Variants in C11orf16 observed in about 807,000 individuals in gnomAD.
C11orf16 encodes chromosome 11 open reading frame 16, also known as uncharacterized protein C11orf16.
Under a neutral mutation model 45.1 loss-of-function variants are expected in C11orf16, and 38 were observed. The ratio of observed to expected loss-of-function variants is 0.84; its 90% confidence interval spans 0.65 to 1.10. C11orf16 has a LOEUF of 1.10. C11orf16 is among the 50% of genes least tolerant of loss of function. The pLI is 0.00. For missense variants in C11orf16, 583 were observed against 569.5 expected, an observed-to-expected ratio of 1.02 and a Z score of -0.24; for synonymous variants, 221 against 222.0, an observed-to-expected ratio of 1.00 and a Z score of 0.04.
chr11:8,921,169 G>A (rs953506219), intron 6 of C11orf16, 125 bp downstream of exon 6: 1 of 699,314 alleles, frequency 1.4e-6, no homozygotes, highest in Non-Finnish European at 2.4e-6. Context: ...AAAATTGAGG[G>A]TATGTGCATT....
intron 4 of C11orf16, 78 bp from the exon 5 acceptor site, chr11:8,926,185 C>CTG: frequency 1.1e-6 from 1 of 886,446 alleles, no homozygotes; most frequent in Non-Finnish European, 1.5e-6. Context: ...TTTTTCTTTT[C>CTG]TTTTTTTTTT....
chr11:8,929,039 C>CAGCA (rs752046788), intron 3 of C11orf16: 33 of 233,508 alleles, frequency 1.4e-4, no homozygotes, highest in Non-Finnish European at 2.3e-4. Context: ...CAAAGCCTGC[C>CAGCA]AGCAAGCCAT....
chr11:8,926,941 T>C lies in C11orf16; in HGVS notation c.558A>G (p.Arg186=). The C allele has an allele frequency of 6.2e-7, 1 of 1,612,596 alleles. No homozygotes were observed. The highest frequency in any genetic ancestry group is 8.5e-7 in the Non-Finnish European group (1 of 1,179,476). ...ATGGGTCAGAGCAGCTTCTCTTACC[T>C]CTCTGGGGATCTCTCATCTCCAAGC... The part of the protein sequence containing the change: ...LLGLEMRDPQ[R]ASKEKEITVH... The change falls in exon 4 of 7, where the codon AGA becomes AGG. Residue 186 remains arginine (R), a splice_region_variant and synonymous_variant. Transcript: ENST00000326053.
At position 8,929,479 on chromosome 11, in the gene C11orf16, AGGCCCCTGCCAT is replaced by A. The variant is rs1254364121; in HGVS notation, c.210_221del (p.Trp71_Pro74del). ...CATCTCCAGCTCTTCCCAGCCAGCC[AGGCCCCTGCCAT>A]GCTGGGTCGGCAACGTGGAGACATG... On this transcript the variant is annotated inframe_deletion, in exon 3 of 7. Transcript: ENST00000326053. 3 of 1,614,052 alleles carry A rather than the reference AGGCCCCTGCCAT, an allele frequency of 1.9e-6. No homozygotes were observed. In the African/African-American group the frequency reaches 4.0e-5, roughly 22 times the overall value.
intron 3 of C11orf16, among the ~76,000 whole-genome samples, chr11:8,928,652 C>T (rs1329900545): frequency 6.6e-6 from 1 of 152,146 alleles, no homozygotes; most frequent in Non-Finnish European, 1.5e-5. Context: ...AGCCATGTGC[C>T]ACCATGCCTG....
At chr11:8,932,556 A>C (rs2064656895) in intron 1 of C11orf16, among the ~76,000 whole-genome samples, 2 of 152,180 alleles carry the variant, frequency 1.3e-5, no homozygotes, top group Non-Finnish European at 2.9e-5. Context: ...GTGAGTTTAG[A>C]GCAGCCCAGC....
chr11:8,920,720 CAG>C (rs1320366449), intron 6 of C11orf16, among the ~76,000 whole-genome samples: 1 of 152,128 alleles, frequency 6.6e-6, no homozygotes, highest in Non-Finnish European at 1.5e-5. Context: ...CCTAGCTACT[CAG>C]GAGGCTCAGG....
rs2064618203 is a variant in C11orf16 at position 8,926,955 on chromosome 11, T to G, written c.544A>C (p.Arg182=). The G allele has an allele frequency of 6.2e-7, 1 of 1,613,466 alleles. No individual in the cohort carries two copies. The highest frequency in any genetic ancestry group is 8.5e-7 in the Non-Finnish European group (1 of 1,179,944). ...PGTVLLGLEM[R]DPQRASKEKE... ...CTTCTCTTACCTCTCTGGGGATCTCTCATCTCCAAGCCCAAAAGAACAGTG... is the reference window on the plus strand; with the variant it reads ...CTTCTCTTACCTCTCTGGGGATCTCGCATCTCCAAGCCCAAAAGAACAGTG... The change falls in exon 4 of 7, where the codon AGA becomes CGA. Residue 182 remains arginine (R), a synonymous_variant. Coordinates refer to ENST00000326053, the MANE Select transcript of C11orf16 (RefSeq NM_020643.3).
chr11:8,928,613 G>A (rs1319692350), intron 3 of C11orf16, among the ~76,000 whole-genome samples: 2 of 152,138 alleles, frequency 1.3e-5, no homozygotes, highest in Non-Finnish European at 2.9e-5. Flanking sequence ...TGATCTTCCT[G>A]CCTGAGCCTC....
chr11:8,926,068 C>T lies in C11orf16; in HGVS notation c.599G>A (p.Gly200Asp). ...EKEITVHFWN[G>D]KAAKVPLGGV... ...ACCTAGGGGCACTTTAGCAGCTTTGCCATTCCAGAAATGAACAGTGATTTC... is the reference window on the plus strand; with the variant it reads ...ACCTAGGGGCACTTTAGCAGCTTTGTCATTCCAGAAATGAACAGTGATTTC... Residue 200 changes from glycine (G) to aspartate (D), a missense_variant, in exon 5 of 7, where the codon GGC becomes GAC. Transcript: ENST00000326053. 2 of 1,612,118 alleles carry T rather than the reference C, an allele frequency of 1.2e-6. No individual in the cohort carries two copies. Among genetic ancestry groups the T allele is most frequent in the Non-Finnish European group, 1.7e-6 (2 of 1,178,620 alleles).
Position 8,932,129 on chromosome 11 carries a change from CAG to C in C11orf16, c.167+11_167+12del. 1 of 1,563,370 alleles carries C rather than the reference CAG, an allele frequency of 6.4e-7. No individual in the cohort carries two copies. Among genetic ancestry groups the C allele is most frequent in the Non-Finnish European group, 8.7e-7 (1 of 1,155,304 alleles). Reference sequence around the variant, plus strand: ...AGGGCATCCACTTCCCCCAGAGGGGCAGAGACAGGTACCTTGCAAGGGGCTTG... The same window carrying C: ...AGGGCATCCACTTCCCCCAGAGGGGCAGACAGGTACCTTGCAAGGGGCTTG... On this transcript the variant is annotated intron_variant, in intron 2 of 6. Transcript: ENST00000326053.
Position 8,927,019 on chromosome 11 carries a change from C to T in C11orf16, c.480G>A (p.Leu160=). The T allele has an allele frequency of 1.2e-6, 2 of 1,614,098 alleles. No homozygotes were observed. The highest frequency in any genetic ancestry group is 1.1e-5 in the South Asian group (1 of 91,076). ...GYSLRPGDKV[L]ALWEPGQQQY... ...GCTGTTGGCCTGGCTCCCAGAGTGC[C>T]AGCACCTTATCCCCTGGTCTCAGTG... The change falls in exon 4 of 7, where the codon CTG becomes CTA. Residue 160 remains leucine (L), a synonymous_variant. Coordinates refer to ENST00000326053, the MANE Select transcript of C11orf16 (RefSeq NM_020643.3).
Position 8,925,556 on chromosome 11 carries a change from A to C in C11orf16, c.1111T>G (p.Phe371Val). Residue 371 changes from phenylalanine to valine, a missense_variant, in exon 5 of 7, where the codon TTT (phenylalanine) becomes GTT (valine). By Grantham distance (50) the Phe-to-Val change is conservative (BLOSUM62 -1). Coordinates refer to ENST00000326053, the MANE Select transcript of C11orf16 (RefSeq NM_020643.3). ...CTCTGTCTCAGAGGCATCTCAAGAAAGATGGGATCTGTGTTGACTGCACTG... is the reference window on the plus strand; with the variant it reads ...CTCTGTCTCAGAGGCATCTCAAGAACGATGGGATCTGTGTTGACTGCACTG... ...VNSAVNTDPI[F>V]LEMPLRQSGL... is the part of the protein sequence containing the mutation. 6.2e-7 allele frequency: 1 copy of C among 1,614,266 alleles called. No individual in the cohort carries two copies. The highest frequency in any genetic ancestry group is 8.5e-7 in the Non-Finnish European group (1 of 1,180,044).
chr11:8,923,136 TGTG>T (rs1372081977), intron 5 of C11orf16, among the ~76,000 whole-genome samples: 3 of 152,176 alleles, frequency 2.0e-5, no homozygotes, highest in Non-Finnish European at 2.9e-5. Flanking sequence ...TCTCTTTAAA[TGTG>T]GTGATGGAGA....
intron 5 of C11orf16, among the ~76,000 whole-genome samples, chr11:8,923,614 CTTTCT>C (rs1197723572): frequency 2.0e-5 from 3 of 152,090 alleles, no homozygotes; most frequent in Admixed American, 6.6e-5. Context: ...ACCGGCATTT[CTTTCT>C]TTTCTTTTTT....
intron 2 of C11orf16, 121 bp downstream of exon 2, chr11:8,932,021 T>G: frequency 9.2e-7 from 1 of 1,091,168 alleles, no homozygotes; most frequent in South Asian, 1.8e-5. Flanking sequence ...GGCCAAACAA[T>G]GACGACCCCT....
intron 4 of C11orf16, 60 bp downstream of exon 4, chr11:8,926,880 C>A: frequency 7.1e-7 from 1 of 1,407,328 alleles, no homozygotes; most frequent in Non-Finnish European, 1.0e-6. Context: ...GCTCTCTCCT[C>A]TGGCCTGATT....
At position 8,921,511 on chromosome 11, in the gene C11orf16, T is replaced by C; in HGVS notation, c.1209A>G (p.Thr403=). Residue 403 remains threonine, a synonymous_variant, in exon 6 of 7, where the codon ACA becomes ACG. Coordinates refer to ENST00000326053, the MANE Select transcript of C11orf16 (RefSeq NM_020643.3). ...GPEPCLGKPG[T]RYSNICKEEK... The stretch of plus-strand genomic sequence containing the variant: ...CTTCTTTGCAGATGTTGGAATATCT[T>C]GTTCCTAAACCCAAAAGTCAATTAC... 6.2e-7 allele frequency: 1 copy of C among 1,614,242 alleles called. No homozygotes were observed. The highest frequency in any genetic ancestry group is 8.5e-7 in the Non-Finnish European group (1 of 1,180,030).
chr11:8,920,691 T>G (rs1283802132), intron 6 of C11orf16, among the ~76,000 whole-genome samples: 1 of 152,144 alleles, frequency 6.6e-6, no homozygotes, highest in African/African-American at 2.4e-5. Flanking sequence ...TGTGGTGGCA[T>G]GTGCCTAGCT....
Sources: gnomAD v4.1 joint callset for allele counts (sites outside exome capture counted in the v4.1 genomes callset) on GRCh38, gnomAD v4.1.1 for gene constraint, MANE v1.5 for transcripts, NCBI Gene and HGNC (gene_info 2026-07-23, HGNC 2026-07-21) for gene names.